Variants in SFI1 observed in about 807,000 individuals in gnomAD.
The protein encoded by SFI1 is protein SFI1 homolog.
In SFI1, 195 loss-of-function variants were observed where a neutral mutation model predicts 207.5. The observed-to-expected ratio is 0.94, with a 90% CI of 0.84 to 1.06. The LOEUF (loss-of-function observed/expected upper bound fraction) is 1.06. Among genes scored for constraint, SFI1 ranks in the 50% least tolerant of loss-of-function variants. The pLI, the probability that SFI1 is intolerant of heterozygous loss-of-function variation, is 0.00. For synonymous variants in SFI1, 630 were observed against 598.9 expected (o/e 1.05, Z -0.76); for missense variants, 1,634 against 1,588.0 (o/e 1.03, Z -0.49).
At chr22:31,501,215 A>G (rs2053712702) in intron 1 of SFI1, among the ~76,000 whole-genome samples, 1 of 150,558 alleles carries the variant, frequency 6.6e-6, no homozygotes, top group African/African-American at 2.4e-5. Context: ...TCTGTTGCCC[A>G]GGCTGGAGTG....
At chr22:31,603,659 G>A in intron 17 of SFI1, 85 bp from the exon 18 acceptor site, 5 of 1,169,286 alleles carry the variant, frequency 4.3e-6, no homozygotes, top group Non-Finnish European at 5.7e-6. Flanking sequence ...TAACCAGGTA[G>A]GGCTATGGAC....
chr22:31,542,729 T>C (rs1026928577), intron 4 of SFI1, among the ~76,000 whole-genome samples: 10 of 149,320 alleles, frequency 6.7e-5, no homozygotes, highest in Non-Finnish European at 1.2e-4. Flanking sequence ...TGGCCTGATC[T>C]CAGCTCACTC....
intron 1 of SFI1, chr22:31,497,216 A>G (rs1365217397): frequency 6.6e-6 from 1 of 152,252 alleles, no homozygotes; most frequent in Non-Finnish European, 1.5e-5. Context: ...GGACTTGAGT[A>G]CAGCCATACC....
chr22:31,585,226 A>T (rs13433584), intron 14 of SFI1, 92 bp downstream of exon 14: 13,816 of 1,113,804 alleles, frequency 0.012, 127 homozygotes, highest in Non-Finnish European at 0.015. Flanking sequence ...CTATGCCAAG[A>T]AGTCTTATCG....
intron 15 of SFI1, among the ~76,000 whole-genome samples, chr22:31,590,984 T>TGA (rs1441272329): frequency 4.3e-4 from 65 of 150,748 alleles, no homozygotes; most frequent in African/African-American, 1.5e-3. Flanking sequence ...TATTTATTTT[T>TGA]TTATTGATAA....
At chr22:31,598,365 T>C (rs2067480777) in intron 15 of SFI1, among the ~76,000 whole-genome samples, 1 of 152,098 alleles carries the variant, frequency 6.6e-6, no homozygotes, top group Non-Finnish European at 1.5e-5. Flanking sequence ...GAAAGTTCCT[T>C]CATGTCCCCT....
Position 31,613,635 on chromosome 22 carries a change from T to C in SFI1, c.2776T>C (p.Cys926Arg), listed in dbSNP as rs1293248976. ...CAGTCTCCATCGTGCCGTCCGCCGC[T>C]GTGCCACGCTCTGGAAACAGAAAGT... Reference protein sequence around the residue: ...AHSLHRAVRRCATLWKQKVLG... With the variant: ...AHSLHRAVRRRATLWKQKVLG... Residue 926 changes from cysteine to arginine, a missense_variant, in exon 27 of 33, where the codon TGT becomes CGT. Cys to Arg is a radical substitution (Grantham distance 180). Transcript: ENST00000400288. 4 of 1,597,118 alleles carry C rather than the reference T, an allele frequency of 2.5e-6. No individual in the cohort carries two copies. The African/African-American group carries it at 4.0e-5, about 16-fold the overall frequency.
chr22:31,572,477 C>G (rs879119640), intron 8 of SFI1, among the ~76,000 whole-genome samples: 7 of 151,986 alleles, frequency 4.6e-5, no homozygotes, highest in Non-Finnish European at 1.0e-4. Context: ...TATATCACCC[C>G]TCGGATTGTT....
At chr22:31,518,693 G>T (rs929748584) in intron 2 of SFI1, among the ~76,000 whole-genome samples, 9 of 152,146 alleles carry the variant, frequency 5.9e-5, no homozygotes, top group African/African-American at 1.7e-4. Flanking sequence ...TTAGATTTCA[G>T]AAGGGTTCCC....
At chr22:31,545,683 C>T (rs1159426364) in intron 4 of SFI1, among the ~76,000 whole-genome samples, 1 of 151,610 alleles carries the variant, frequency 6.6e-6, no homozygotes, top group Non-Finnish European at 1.5e-5. Context: ...CTGGTTCAAG[C>T]GATTCTCCTG....
chr22:31,597,611 G>A (rs1196860979), intron 15 of SFI1, among the ~76,000 whole-genome samples: 1 of 152,168 alleles, frequency 6.6e-6, no homozygotes, highest in East Asian at 1.9e-4. Context: ...AATGAAATGG[G>A]AAAACATGTA....
At chr22:31,498,437 G>C (rs746388145) in intron 1 of SFI1, among the ~76,000 whole-genome samples, 15 of 151,960 alleles carry the variant, frequency 9.9e-5, no homozygotes, top group Admixed American at 7.2e-4. Context: ...TGTGGGAAGG[G>C]GTTAAAATAT....
intron 2 of SFI1, 150 bp downstream of exon 2, chr22:31,508,526 A>G (rs2055004550): frequency 2.3e-5 from 14 of 599,998 alleles, no homozygotes; most frequent in South Asian, 2.3e-4. Context: ...TTTTTCATCT[A>G]TAAGATAATA....
chr22:31,607,005 A>C lies in SFI1; in HGVS notation c.2157+575A>C, dbSNP rs574166212. On this transcript the variant is annotated intron_variant, in intron 21 of 32. Coordinates refer to ENST00000400288, the MANE Select transcript of SFI1 (RefSeq NM_001007467.3). ...TTTGAATCCAGGAGGTGGAGGTTGC[A>C]GTGAGCCGAATTGCACCACTGCACT... 9.5e-4 allele frequency among the ~76,000 whole-genome samples: 145 copies of C among 152,004 alleles called. 1 individual carries two copies. The highest frequency in any genetic ancestry group is 3.3e-3 in the African/African-American group (137 of 41,502).
chr22:31,514,759 A>T (rs575056407), intron 2 of SFI1, among the ~76,000 whole-genome samples: 37 of 151,208 alleles, frequency 2.4e-4, no homozygotes, highest in African/African-American at 8.3e-4. Flanking sequence ...GTTGTCGAAA[A>T]CGACAGAATT....
intron 4 of SFI1, among the ~76,000 whole-genome samples, chr22:31,537,390 T>C (rs1834987164): frequency 6.6e-6 from 1 of 152,214 alleles, no homozygotes; most frequent in Non-Finnish European, 1.5e-5. Flanking sequence ...CTGGCCTCTG[T>C]AGTGGATACT....
chr22:31,541,607 A>T (rs1168353487), intron 4 of SFI1, among the ~76,000 whole-genome samples: 8 of 151,920 alleles, frequency 5.3e-5, no homozygotes, highest in African/African-American at 1.4e-4. Flanking sequence ...TACAAAAATT[A>T]GCCAGGTGTG....
At chr22:31,551,532 A>G (rs991346218) in intron 6 of SFI1, among the ~76,000 whole-genome samples, 10 of 152,210 alleles carry the variant, frequency 6.6e-5, no homozygotes, top group Non-Finnish European at 1.2e-4. Flanking sequence ...TAATACATAC[A>G]GTAAGATTCA....
intron 18 of SFI1, 109 bp from the exon 19 acceptor site, chr22:31,604,200 A>G: frequency 1.2e-6 from 1 of 823,536 alleles, no homozygotes; most frequent in East Asian, 2.7e-5. Context: ...ATGAGGCCAG[A>G]GAGGTTAATT....
Sources: allele counts gnomAD v4.1 joint callset (sites outside exome capture counted in the v4.1 genomes callset), GRCh38; gene constraint gnomAD v4.1.1; transcripts MANE v1.5; gene names NCBI Gene and HGNC (gene_info 2026-07-23, HGNC 2026-07-21).